KIAA1217: variants seen among roughly 807,000 people sequenced by gnomAD.
The protein encoded by KIAA1217 is KIAA1217, also known as sickle tail protein homolog.
In KIAA1217, 88 loss-of-function variants were observed where a neutral mutation model predicts 163.9. The observed-to-expected ratio is 0.54, with a 90% CI of 0.45 to 0.64. The LOEUF is 0.64. Ranked by LOEUF, KIAA1217 falls within the 30% of genes least tolerant of loss-of-function variation. The pLI, the probability that KIAA1217 is intolerant of heterozygous loss-of-function variation, is 0.00. For synonymous variants in KIAA1217, 903 were observed against 923.1 expected, an observed-to-expected ratio of 0.98 and a Z score of 0.39; for missense variants, 2,372 against 2,475.0, an observed-to-expected ratio of 0.96 and a Z score of 0.88.
At chr10:24,152,282 T>A (rs548936458) in intron 2 of KIAA1217, among the ~76,000 whole-genome samples, 1 of 152,336 alleles carries the variant, frequency 6.6e-6, no homozygotes, top group South Asian at 2.1e-4. Context: ...AGATTGCAAA[T>A]GGTAGCAATG....
chr10:24,516,006 A>G (rs7894936), intron 10 of KIAA1217, among the ~76,000 whole-genome samples: 45,512 of 152,180 alleles, frequency 0.3, 7,128 homozygotes, highest in Middle Eastern at 0.4. Context: ...AGGAGTTCAA[A>G]GCTGCAGTGA....
At chr10:24,334,196 A>G (rs950427321) in intron 2 of KIAA1217, among the ~76,000 whole-genome samples, 1 of 152,170 alleles carries the variant, frequency 6.6e-6, no homozygotes, top group African/African-American at 2.4e-5. Context: ...TCTTTCAACT[A>G]TGCATCAAGA....
chr10:24,129,903 A>T (rs2063591869), intron 2 of KIAA1217, among the ~76,000 whole-genome samples: 2 of 152,066 alleles, frequency 1.3e-5, no homozygotes, highest in Non-Finnish European at 2.9e-5. Context: ...CTCATGATCA[A>T]GGGCCAGATT....
intron 1 of KIAA1217, among the ~76,000 whole-genome samples, chr10:23,859,192 G>C (rs568304595): frequency 6.6e-6 from 1 of 152,296 alleles, no homozygotes; most frequent in African/African-American, 2.4e-5. Flanking sequence ...TACATTTATA[G>C]ATTGGTGGTT....
intron 2 of KIAA1217, among the ~76,000 whole-genome samples, chr10:24,267,876 G>A (rs982787307): frequency 3.9e-5 from 6 of 152,074 alleles, no homozygotes; most frequent in Admixed American, 6.5e-5. Context: ...CTCCATAGAT[G>A]GACTATTGAA....
At chr10:24,296,334 G>A (rs2040606486) in intron 2 of KIAA1217, among the ~76,000 whole-genome samples, 1 of 152,060 alleles carries the variant, frequency 6.6e-6, no homozygotes, top group African/African-American at 2.4e-5. Flanking sequence ...TCAAACTCCT[G>A]GCCTCTCAAG....
intron 2 of KIAA1217, among the ~76,000 whole-genome samples, chr10:24,160,324 T>C (rs532629529): frequency 8.5e-4 from 129 of 152,300 alleles, no homozygotes; most frequent in South Asian, 3.1e-3. Context: ...AATGATATTT[T>C]AGCAATATTA....
chr10:23,751,011 T>C lies in KIAA1217; in HGVS notation c.-321+55777T>C, dbSNP rs534259923. On this transcript the variant is annotated intron_variant, in intron 1 of 18. Transcript: ENST00000376462. ...CCTTCCCTTCCCTTCCCTTTGTTTT[T>C]TTTTTGTTTGTTTGTTTTGGTTTTT... is the stretch of plus-strand genomic sequence containing the variant. Among the ~76,000 whole-genome samples, 159 of 151,392 alleles carry C rather than the reference T, an allele frequency of 1.1e-3. 9 individuals are homozygous for C. The East Asian group carries it at 0.025, about 23-fold the overall frequency.
chr10:24,137,070 C>G (rs771442286), intron 2 of KIAA1217, among the ~76,000 whole-genome samples: 1 of 152,168 alleles, frequency 6.6e-6, no homozygotes, highest in Non-Finnish European at 1.5e-5. Context: ...TCATTTAATA[C>G]GTAAATTCTG....
intron 1 of KIAA1217, among the ~76,000 whole-genome samples, chr10:23,815,574 G>A (rs1837278066): frequency 6.6e-6 from 1 of 152,154 alleles, no homozygotes; most frequent in Non-Finnish European, 1.5e-5. Context: ...AACCTGGGAG[G>A]CAGAGCTTGC....
At chr10:24,187,031 C>T (rs2066465947) in intron 2 of KIAA1217, among the ~76,000 whole-genome samples, 2 of 152,228 alleles carry the variant, frequency 1.3e-5, no homozygotes, top group South Asian at 4.1e-4. Flanking sequence ...CTCTACTCCT[C>T]TTCCAACGGT....
At chr10:23,764,603 A>T (rs1834422446) in intron 1 of KIAA1217, among the ~76,000 whole-genome samples, 1 of 152,232 alleles carries the variant, frequency 6.6e-6, no homozygotes, top group Non-Finnish European at 1.5e-5. Flanking sequence ...ACTATGGAAT[A>T]CTATGCAGCC....
intron 1 of KIAA1217, among the ~76,000 whole-genome samples, chr10:23,980,893 T>C (rs1040285741): frequency 1.6e-4 from 25 of 152,198 alleles, no homozygotes; most frequent in Non-Finnish European, 3.1e-4. Context: ...TTAATGCCTT[T>C]TGGGTCTTGA....
chr10:24,237,817 G>A (rs536133274), intron 2 of KIAA1217, among the ~76,000 whole-genome samples: 2 of 152,240 alleles, frequency 1.3e-5, no homozygotes, highest in East Asian at 1.9e-4. Context: ...TCTTGCCTCC[G>A]AGGAGTGCTC....
At chr10:23,842,285 T>C (rs1838825276) in intron 1 of KIAA1217, among the ~76,000 whole-genome samples, 1 of 152,148 alleles carries the variant, frequency 6.6e-6, no homozygotes, top group Admixed American at 6.6e-5. Flanking sequence ...AACTCCTAAG[T>C]TCAAATATTC....
chr10:24,035,680 T>A (rs1848366039), intron 2 of KIAA1217, among the ~76,000 whole-genome samples: 1 of 152,142 alleles, frequency 6.6e-6, no homozygotes, highest in Non-Finnish European at 1.5e-5. Flanking sequence ...GGCAGGGTAT[T>A]CCCTTATACA....
At chr10:24,423,702 C>A (rs907293824) in intron 3 of KIAA1217, among the ~76,000 whole-genome samples, 8 of 152,126 alleles carry the variant, frequency 5.3e-5, no homozygotes, top group African/African-American at 1.4e-4. Flanking sequence ...TAGTGATCTG[C>A]CCACCTCAGT....
chr10:23,933,714 A>G (rs1190486230), intron 1 of KIAA1217, among the ~76,000 whole-genome samples: 1 of 152,218 alleles, frequency 6.6e-6, no homozygotes, highest in African/African-American at 2.4e-5. Flanking sequence ...AATCCCATCA[A>G]AAAGAGGGCA....
intron 1 of KIAA1217, among the ~76,000 whole-genome samples, chr10:23,716,877 A>G (rs149511973): frequency 1.3e-5 from 2 of 152,186 alleles, no homozygotes; most frequent in Non-Finnish European, 2.9e-5. Flanking sequence ...TTTCTTTGTC[A>G]TCATCTATTG....
Sources: allele counts gnomAD v4.1 joint callset (sites outside exome capture counted in the v4.1 genomes callset), GRCh38; gene constraint gnomAD v4.1.1; transcripts MANE v1.5; gene names NCBI Gene and HGNC (gene_info 2026-07-23, HGNC 2026-07-21).